GLI3: variants seen among roughly 807,000 people sequenced by gnomAD.
GLI3 encodes the protein transcription activator GLI3.
GLI3 carries 20 observed loss-of-function variants against 100.8 expected under a neutral mutation model. The observed-to-expected ratio is 0.20, with a 90% CI of 0.14 to 0.29. The LOEUF is 0.29. Among genes scored for constraint, GLI3 ranks in the 10% least tolerant of loss-of-function variants. The pLI, the probability that GLI3 is intolerant of heterozygous loss-of-function variation, is 1.00. For missense variants in GLI3, 2,040 were observed against 2,128.5 expected (o/e 0.96, Z 0.82); for synonymous variants, 938 against 860.5 (o/e 1.09, Z -1.58).
At chr7:42,012,949 G>A (rs532420547) in intron 10 of GLI3, among the ~76,000 whole-genome samples, 34 of 152,306 alleles carry the variant, frequency 2.2e-4, no homozygotes, top group African/African-American at 7.7e-4. Flanking sequence ...AGAGCTCCTT[G>A]GGACAGGTCA....
intron 10 of GLI3, among the ~76,000 whole-genome samples, chr7:42,016,451 C>A (rs1172677863): frequency 6.6e-6 from 1 of 152,194 alleles, no homozygotes; most frequent in Non-Finnish European, 1.5e-5. Context: ...ACACAGCAGC[C>A]TCTAAATATC....
intron 10 of GLI3, among the ~76,000 whole-genome samples, chr7:42,006,295 T>A (rs952576174): frequency 8.5e-5 from 13 of 152,268 alleles, no homozygotes; most frequent in East Asian, 1.9e-4. Flanking sequence ...GATCTCTGTA[T>A]GCACAGGAAT....
chr7:42,212,418 A>AT (rs1466298724), intron 2 of GLI3, among the ~76,000 whole-genome samples: 2 of 152,140 alleles, frequency 1.3e-5, no homozygotes, highest in Admixed American at 6.6e-5. Flanking sequence ...ACACCCACAT[A>AT]TTTTTCCCAA....
chr7:42,076,849 G>T lies in GLI3; in HGVS notation c.376C>A (p.His126Asn), dbSNP rs781353650. Reference sequence around the variant, plus strand: ...GGAGGATGGAAGGCAGGGAAAAGATGAGGAGGGTCTGAAAAGAAGAGAGAG... The same window carrying T: ...GGAGGATGGAAGGCAGGGAAAAGATTAGGAGGGTCTGAAAAGAAGAGAGAG... The part of the protein sequence containing the change: ...GYMEPHYHPP[H>N]LFPAFHPPVP... Residue 126 changes from histidine (H) to asparagine (N), a missense_variant, in exon 4 of 15, where the codon CAT becomes AAT. By Grantham distance (68) the His-to-Asn change is moderately conservative (BLOSUM62 1). Around this residue, in one of 5 missense-constraint regions of GLI3, gnomAD observed 603 missense variants for 690.9 expected, o/e 0.87. Coordinates refer to ENST00000395925, the MANE Select transcript of GLI3 (RefSeq NM_000168.6). 6.2e-7 allele frequency: 1 copy of T among 1,606,128 alleles called. No homozygotes were observed. The highest frequency in any genetic ancestry group is 1.3e-5 in the African/African-American group (1 of 74,882).
intron 10 of GLI3, among the ~76,000 whole-genome samples, chr7:42,011,351 T>C (rs1788606243): frequency 6.6e-6 from 1 of 152,234 alleles, no homozygotes; most frequent in Non-Finnish European, 1.5e-5. Context: ...GCCATAGCTT[T>C]AGCAGTTTCT....
chr7:42,018,313 A>G (rs1361438868), intron 10 of GLI3, among the ~76,000 whole-genome samples: 2 of 152,212 alleles, frequency 1.3e-5, no homozygotes, highest in Non-Finnish European at 2.9e-5. Context: ...CCATGTAGGG[A>G]AAATAAGATC....
Position 41,966,285 on chromosome 7 carries a change from T to G in GLI3, c.2788A>C (p.Lys930Gln). 1 of 1,608,210 alleles carries G rather than the reference T, an allele frequency of 6.2e-7. No individual in the cohort carries two copies. Among genetic ancestry groups the G allele is most frequent in the Non-Finnish European group, 8.5e-7 (1 of 1,179,246 alleles). The change falls in exon 15 of 15, where the codon AAG becomes CAG. Residue 930 changes from lysine to glutamine, a missense_variant. Lys to Gln is a moderately conservative substitution (Grantham distance 53). Around this residue, in one of 5 missense-constraint regions of GLI3, gnomAD observed 1,041 missense variants for 924.0 expected, o/e 1.13. Coordinates refer to ENST00000395925, the MANE Select transcript of GLI3 (RefSeq NM_000168.6). The surrounding 1 kb of genome is among the most constrained non-coding windows in gnomAD (Gnocchi z 5.8). Reference sequence around the variant, plus strand: ...CCTGTGGCAGCCGCGTACTTGGCCTTGAGGCGGTACTGCTGGGCGGGCGTG... The same window carrying G: ...CCTGTGGCAGCCGCGTACTTGGCCTGGAGGCGGTACTGCTGGGCGGGCGTG... ...SLTPAQQYRL[K>Q]AKYAAATGGP...
In GLI3 at chr7:41,972,301, C is replaced by A. The variant is rs1395803643; in HGVS notation, c.2103+36G>T. 6.3e-7 allele frequency: 1 copy of A among 1,599,392 alleles called. No homozygotes were observed. The highest frequency in any genetic ancestry group is 8.6e-7 in the Non-Finnish European group (1 of 1,167,436). On this transcript the variant is annotated intron_variant, in intron 13 of 14. Transcript: ENST00000395925. The surrounding 1 kb of genome is among the most constrained non-coding windows in gnomAD (Gnocchi z 4.4). ...ACCCTACCTGGCTCTTTTAAATGGGCCTGCTGTGAAGTCAGAAGGAGAGTG... is the reference window on the plus strand; with the variant it reads ...ACCCTACCTGGCTCTTTTAAATGGGACTGCTGTGAAGTCAGAAGGAGAGTG...
In GLI3 at chr7:41,962,049, A is replaced by C. The variant is rs965765637; in HGVS notation, c.*2281T>G. The stretch of plus-strand genomic sequence containing the variant: ...AACCATAGGAAAGAGCAGAAGCACA[A>C]GACAACAACAGTGGTGGGCCGGATC... On this transcript the variant is annotated 3_prime_UTR_variant, in exon 15 of 15. Transcript: ENST00000395925. The C allele has an allele frequency of 1.3e-5, 2 of 152,232 alleles. No homozygotes were observed. Among genetic ancestry groups the C allele is most frequent in the African/African-American group, 4.8e-5 (2 of 41,452 alleles). The allele number at this position is 152,232 out of a possible 1,614,324, so 9.4% of individuals were successfully genotyped here. A position where few individuals can be genotyped will look rare whatever the true frequency, so the allele number is the denominator to read the frequency against.
chr7:42,023,349 C>G (rs978356865), intron 10 of GLI3, 119 bp downstream of exon 10: 5 of 1,003,494 alleles, frequency 5.0e-6, no homozygotes, highest in Non-Finnish European at 6.3e-6. Context: ...TCATAAAGCC[C>G]TCTCCAGTTC....
intron 10 of GLI3, among the ~76,000 whole-genome samples, chr7:42,007,170 A>G (rs1788480367): frequency 6.7e-6 from 1 of 149,628 alleles, no homozygotes; most frequent in Admixed American, 6.7e-5. Flanking sequence ...CCCAGAACAC[A>G]GGGGAATAGA....
chr7:42,244,702 TA>T lies in GLI3; in HGVS notation c.-43+19291del, dbSNP rs796300282. Among the ~76,000 whole-genome samples the T allele has an allele frequency of 3.1e-3, 444 of 142,070 alleles. 2 individuals are homozygous for T. Among genetic ancestry groups the T allele is most frequent in the Middle Eastern group, 0.011 (3 of 284 alleles). 93.2% of individuals were successfully genotyped at this position (142,070 alleles called of 152,430 possible). A position where few individuals can be genotyped will look rare whatever the true frequency, so the allele number is the denominator to read the frequency against. On this transcript the variant is annotated intron_variant, in intron 1 of 2. Coordinates refer to the GLI3 transcript ENST00000678978. The stretch of plus-strand genomic sequence containing the variant: ...TCAGAAAGTCAGAATAAAACACCTT[TA>T]AAAAAAAAAAAAGTAAAATAATCAC...
chr7:42,171,347 T>C (rs1047642287), intron 2 of GLI3, among the ~76,000 whole-genome samples: 5 of 152,272 alleles, frequency 3.3e-5, no homozygotes, highest in African/African-American at 1.2e-4. Flanking sequence ...ACTAAGGAGA[T>C]AATAGGCCTA....
chr7:42,252,506 A>G (rs1418103572), intron 1 of GLI3, among the ~76,000 whole-genome samples: 2 of 152,198 alleles, frequency 1.3e-5, no homozygotes, highest in African/African-American at 4.8e-5. Context: ...AAAGAAATGA[A>G]CACACTTAAC....
chr7:42,051,523 T>A (rs1784351917), intron 4 of GLI3, among the ~76,000 whole-genome samples: 1 of 152,150 alleles, frequency 6.6e-6, no homozygotes, highest in Admixed American at 6.5e-5. Context: ...ATTCCACCCA[T>A]AATACACATA....
chr7:42,234,866 C>T (rs377422793), intron 1 of GLI3, among the ~76,000 whole-genome samples: 2 of 152,178 alleles, frequency 1.3e-5, no homozygotes, highest in Non-Finnish European at 2.9e-5. Context: ...AAACTCTCTA[C>T]TCTGTATAAG....
At chr7:42,131,574 C>G (rs1460403465) in intron 3 of GLI3, among the ~76,000 whole-genome samples, 2 of 152,154 alleles carry the variant, frequency 1.3e-5, no homozygotes, top group Non-Finnish European at 2.9e-5. Flanking sequence ...CTTTCTAGAT[C>G]TTCAACTTTA....
intron 6 of GLI3, among the ~76,000 whole-genome samples, chr7:42,041,042 C>G (rs1172058383): frequency 6.6e-6 from 1 of 152,116 alleles, no homozygotes; most frequent in East Asian, 1.9e-4. Context: ...GGATAAATCC[C>G]AAGAAACATT....
At chr7:42,161,052 C>T (rs937163170) in intron 2 of GLI3, among the ~76,000 whole-genome samples, 1 of 152,172 alleles carries the variant, frequency 6.6e-6, no homozygotes, top group Non-Finnish European at 1.5e-5. Context: ...TGACTTGAGA[C>T]ACTTGAAATT....
Sources: allele counts gnomAD v4.1 joint callset (sites outside exome capture counted in the v4.1 genomes callset), GRCh38; gene constraint gnomAD v4.1.1; regional missense constraint gnomAD v4.1.1; non-coding constraint Gnocchi (gnomAD v3.1); transcripts MANE v1.5; gene names NCBI Gene and HGNC (gene_info 2026-07-23, HGNC 2026-07-21).